PCDH9: variants seen among roughly 807,000 people sequenced by gnomAD.
PCDH9 encodes the protein protocadherin 9.
In PCDH9, 24 loss-of-function variants were observed where a neutral mutation model predicts 70.6. The ratio of observed to expected loss-of-function variants is 0.34; its 90% CI spans 0.25 to 0.48. The LOEUF (loss-of-function observed/expected upper bound fraction) is 0.48, where lower values mean the gene tolerates loss of function less well. Among genes scored for constraint, PCDH9 ranks in the 20% least tolerant of loss-of-function variants. PCDH9 has a pLI of 0.99. For missense variants in PCDH9, 1,281 were observed against 1,503.6 expected, an observed-to-expected ratio of 0.85 and a Z score of 2.45; for synonymous variants, 562 against 558.5, an observed-to-expected ratio of 1.01 and a Z score of -0.09.
chr13:66,582,500 T>G (rs866653442), intron 4 of PCDH9, among the ~76,000 whole-genome samples: 16 of 152,012 alleles, frequency 1.1e-4, no homozygotes, highest in African/African-American at 3.6e-4. Flanking sequence ...TTGTGTGGTG[T>G]TGTACACCTG....
chr13:66,446,719 AT>A (rs146672743), intron 4 of PCDH9, among the ~76,000 whole-genome samples: 1,761 of 152,206 alleles, frequency 0.012, 36 homozygotes, highest in African/African-American at 0.039. Flanking sequence ...TGTCTATCAC[AT>A]TCAAAAAATC....
intron 3 of PCDH9, among the ~76,000 whole-genome samples, chr13:66,685,408 A>G (rs2078386865): frequency 6.6e-6 from 1 of 152,220 alleles, no homozygotes; most frequent in Non-Finnish European, 1.5e-5. Flanking sequence ...ACCTCCACCT[A>G]TATCCCAGAG....
chr13:66,666,009 A>G (rs888274519), intron 3 of PCDH9, among the ~76,000 whole-genome samples: 48 of 152,192 alleles, frequency 3.2e-4, no homozygotes, highest in African/African-American at 1.1e-3. Context: ...GTGAAACTCA[A>G]GAGAATACAG....
At chr13:67,019,348 C>A (rs1472044604) in intron 2 of PCDH9, among the ~76,000 whole-genome samples, 1 of 151,812 alleles carries the variant, frequency 6.6e-6, no homozygotes, top group Non-Finnish European at 1.5e-5. Context: ...TGCCCGCCAC[C>A]ATGCCCGGCT....
intron 2 of PCDH9, among the ~76,000 whole-genome samples, chr13:67,138,630 A>C (rs1016140544): frequency 6.6e-6 from 1 of 152,208 alleles, no homozygotes; most frequent in African/African-American, 2.4e-5. Context: ...TTAAACTCCC[A>C]AAAATTCTGT....
At chr13:66,761,243 C>T (rs2079622626) in intron 3 of PCDH9, among the ~76,000 whole-genome samples, 1 of 152,088 alleles carries the variant, frequency 6.6e-6, no homozygotes, top group African/African-American at 2.4e-5. Flanking sequence ...CCCGGAAACC[C>T]AGCTGTAAAA....
At chr13:66,503,123 G>C (rs558905296) in intron 4 of PCDH9, among the ~76,000 whole-genome samples, 1 of 152,110 alleles carries the variant, frequency 6.6e-6, no homozygotes, top group Admixed American at 6.5e-5. Context: ...CCCCAAACAT[G>C]CTTATTATCT....
At chr13:66,855,151 A>G (rs955789539) in intron 3 of PCDH9, among the ~76,000 whole-genome samples, 10 of 152,090 alleles carry the variant, frequency 6.6e-5, no homozygotes, top group Admixed American at 2.0e-4. Context: ...TGGGTTTGGC[A>G]TTGTGCTACC....
At chr13:66,892,188 T>C (rs2082107129) in intron 3 of PCDH9, among the ~76,000 whole-genome samples, 1 of 149,770 alleles carries the variant, frequency 6.7e-6, no homozygotes. Context: ...TGTGTGTGTA[T>C]ATATATGTGT....
chr13:66,753,281 T>C (rs928929776), intron 3 of PCDH9, among the ~76,000 whole-genome samples: 1 of 152,160 alleles, frequency 6.6e-6, no homozygotes, highest in South Asian at 2.1e-4. Flanking sequence ...ATAGGAATAA[T>C]AAGTTTTAGT....
chr13:66,419,838 G>A (rs1441744147), intron 4 of PCDH9, among the ~76,000 whole-genome samples: 1 of 151,752 alleles, frequency 6.6e-6, no homozygotes, highest in African/African-American at 2.4e-5. Flanking sequence ...TGGAAAGGGG[G>A]CTGAAGCCAG....
At chr13:66,631,527 C>T in intron 3 of PCDH9, 116 bp from the exon 4 acceptor site, 1 of 626,968 alleles carries the variant, frequency 1.6e-6, no homozygotes, top group Non-Finnish European at 2.8e-6. Context: ...GCAAAATAAA[C>T]CAAACTAGGA....
intron 2 of PCDH9, among the ~76,000 whole-genome samples, chr13:67,182,110 C>T (rs1217494086): frequency 6.6e-6 from 1 of 152,174 alleles, no homozygotes; most frequent in African/African-American, 2.4e-5. Flanking sequence ...TTAAACAACA[C>T]AGTGATGGGT....
chr13:66,607,816 G>T (rs1486585944), intron 4 of PCDH9, among the ~76,000 whole-genome samples: 2 of 152,006 alleles, frequency 1.3e-5, no homozygotes, highest in African/African-American at 4.8e-5. Flanking sequence ...AGGAAGGAAA[G>T]AAATGAATCA....
At chr13:66,413,060 C>T (rs1302879602) in intron 4 of PCDH9, among the ~76,000 whole-genome samples, 2 of 152,122 alleles carry the variant, frequency 1.3e-5, no homozygotes, top group East Asian at 3.9e-4. Context: ...TTGTTCTGCT[C>T]GTTGACACCT....
intron 3 of PCDH9, among the ~76,000 whole-genome samples, chr13:66,864,159 G>T (rs1389729970): frequency 6.6e-6 from 1 of 152,044 alleles, no homozygotes. Flanking sequence ...ATGAGATCTG[G>T]GTGGGGACAC....
intron 2 of PCDH9, chr13:67,201,572 A>G (rs928627325): frequency 2.0e-5 from 3 of 152,018 alleles, no homozygotes; most frequent in Non-Finnish European, 4.4e-5. Context: ...CATATAACAT[A>G]TTTCAACATT....
chr13:67,040,771 G>T (rs1412034201), intron 2 of PCDH9, among the ~76,000 whole-genome samples: 1 of 152,062 alleles, frequency 6.6e-6, no homozygotes, highest in Non-Finnish European at 1.5e-5. Flanking sequence ...AATAACTTTT[G>T]CTGGTAAAAT....
chr13:66,548,522 G>T (rs1469322517), intron 4 of PCDH9, among the ~76,000 whole-genome samples: 2 of 151,960 alleles, frequency 1.3e-5, no homozygotes, highest in African/African-American at 2.4e-5. Flanking sequence ...CTGAGATCAT[G>T]TTGCTGCACT....
Sources: allele counts gnomAD v4.1 joint callset (sites outside exome capture counted in the v4.1 genomes callset), GRCh38; gene constraint gnomAD v4.1.1; transcripts MANE v1.5; gene names NCBI Gene and HGNC (gene_info 2026-07-23, HGNC 2026-07-21).